PCDH9: variants seen among roughly 807,000 people sequenced by gnomAD.
PCDH9 encodes protocadherin-9.
A neutral mutation model predicts 70.6 loss-of-function variants in PCDH9; 24 were observed. The ratio of observed to expected loss-of-function variants is 0.34; its 90% CI spans 0.25 to 0.48. PCDH9 has a LOEUF of 0.48. Among genes scored for constraint, PCDH9 ranks in the 20% least tolerant of loss-of-function variants. The pLI, the probability that PCDH9 is intolerant of heterozygous loss-of-function variation, is 0.99. For synonymous variants in PCDH9, 562 were observed against 558.5 expected, an observed-to-expected ratio of 1.01 and a Z score of -0.09; for missense variants, 1,281 against 1,503.6, an observed-to-expected ratio of 0.85 and a Z score of 2.45.
intron 2 of PCDH9, among the ~76,000 whole-genome samples, chr13:67,028,132 C>T (rs998707387): frequency 7.4e-5 from 11 of 148,960 alleles, no homozygotes; most frequent in Non-Finnish European, 1.6e-4. Context: ...ATGTTTCTTG[C>T]GGCACTATTC....
intron 2 of PCDH9, chr13:67,217,070 A>G (rs1303632970): frequency 6.6e-6 from 1 of 152,050 alleles, no homozygotes; most frequent in African/African-American, 2.4e-5. Context: ...AGTCCTCAGC[A>G]TGCAGCTGCT....
rs112483837 is a variant in PCDH9 at position 66,353,224 on chromosome 13, C to G, written c.3341-48196G>C. On this transcript the variant is annotated intron_variant, in intron 4 of 4. Coordinates refer to ENST00000377865, the MANE Select transcript of PCDH9 (RefSeq NM_203487.3). ...ATACTGGTAGAAAGCAAGTGGTCCT[C>G]AAAAAACATAATGATTCACTGACAC... Among the ~76,000 whole-genome samples, 635 of 152,104 alleles carry G rather than the reference C, an allele frequency of 4.2e-3. 3 individuals are homozygous for G. Among genetic ancestry groups the G allele is most frequent in the African/African-American group, 0.015 (604 of 41,504 alleles).
At chr13:67,108,095 T>C (rs1053400117) in intron 2 of PCDH9, among the ~76,000 whole-genome samples, 1 of 152,192 alleles carries the variant, frequency 6.6e-6, no homozygotes, top group African/African-American at 2.4e-5. Context: ...CTGTGCTCAG[T>C]TGCCCACACT....
intron 3 of PCDH9, among the ~76,000 whole-genome samples, chr13:66,785,843 C>CA (rs1321930170): frequency 0.025 from 3,093 of 123,962 alleles, 32 homozygotes; most frequent in Middle Eastern, 0.036. Flanking sequence ...TGGGTTTTTC[C>CA]AAAAAAAAAA....
Position 66,304,399 on chromosome 13 carries a change from G to T in PCDH9, c.*256C>A. 2.7e-6 allele frequency: 1 copy of T among 371,716 alleles called. No homozygotes were observed. 23.0% of individuals were successfully genotyped at this position (371,716 alleles called of 1,614,324 possible). ...CAGCAGTCCAGGGTCAAAATAAAAT[G>T]CAATAATAAAAAAAATTTGCACAAT... is the stretch of plus-strand genomic sequence containing the variant. On this transcript the variant is annotated 3_prime_UTR_variant, in exon 5 of 5. Transcript: ENST00000377865.
chr13:66,448,106 G>A (rs566958330), intron 4 of PCDH9, among the ~76,000 whole-genome samples: 3 of 152,098 alleles, frequency 2.0e-5, no homozygotes, highest in Admixed American at 2.0e-4. Context: ...AAAAATGCTG[G>A]TGGGAAATTT....
At chr13:66,513,020 T>A (rs1959558407) in intron 4 of PCDH9, among the ~76,000 whole-genome samples, 1 of 152,006 alleles carries the variant, frequency 6.6e-6, no homozygotes, top group Non-Finnish European at 1.5e-5. Flanking sequence ...GGTTTTGCCA[T>A]GTTCCGCAAG....
intron 4 of PCDH9, among the ~76,000 whole-genome samples, chr13:66,539,038 T>C (rs1050206571): frequency 6.6e-6 from 1 of 152,092 alleles, no homozygotes; most frequent in South Asian, 2.1e-4. Context: ...TCTAAAACCA[T>C]TGCAGAAAAT....
rs937396993 is a variant in PCDH9 at position 66,954,862 on chromosome 13, C to A, written c.3037-51257G>T. 1.2e-4 allele frequency among the ~76,000 whole-genome samples: 19 copies of A among 152,232 alleles called. 1 individual carries two copies. The highest frequency in any genetic ancestry group is 2.6e-4 in the Non-Finnish European group (18 of 68,032). On this transcript the variant is annotated intron_variant, in intron 2 of 4. Coordinates refer to ENST00000377865, the MANE Select transcript of PCDH9 (RefSeq NM_203487.3). ...CACTGAAAACTCTGCCTCCCAGGTTCACGCCATTCTCCTGCCTCAGCCTCC... is the reference window on the plus strand; with the variant it reads ...CACTGAAAACTCTGCCTCCCAGGTTAACGCCATTCTCCTGCCTCAGCCTCC...
intron 3 of PCDH9, among the ~76,000 whole-genome samples, chr13:66,778,232 T>C (rs1012754100): frequency 6.6e-6 from 1 of 152,004 alleles, no homozygotes; most frequent in African/African-American, 2.4e-5. Flanking sequence ...TGTATACATA[T>C]GTAACTAACC....
intron 4 of PCDH9, among the ~76,000 whole-genome samples, chr13:66,372,705 A>G (rs1956678165): frequency 6.6e-6 from 1 of 151,866 alleles, no homozygotes; most frequent in African/African-American, 2.4e-5. Context: ...GCACACAAAT[A>G]TAATGATCTG....
chr13:66,997,985 T>C (rs980216828), intron 2 of PCDH9, among the ~76,000 whole-genome samples: 2 of 152,244 alleles, frequency 1.3e-5, no homozygotes, highest in African/African-American at 4.8e-5. Flanking sequence ...TTTGTTTGTT[T>C]AATTCTCTTA....
chr13:67,100,240 T>C (rs1029406328), intron 2 of PCDH9, among the ~76,000 whole-genome samples: 3 of 152,152 alleles, frequency 2.0e-5, no homozygotes, highest in Non-Finnish European at 4.4e-5. Context: ...ATTATATTAT[T>C]GGTTAAGAAA....
At chr13:66,425,335 A>G (rs1267795435) in intron 4 of PCDH9, among the ~76,000 whole-genome samples, 1 of 151,690 alleles carries the variant, frequency 6.6e-6, no homozygotes, top group Non-Finnish European at 1.5e-5. Context: ...CAAGCAGCAG[A>G]CATACAATCT....
intron 4 of PCDH9, among the ~76,000 whole-genome samples, chr13:66,485,901 A>AT (rs1281756880): frequency 6.6e-6 from 1 of 151,010 alleles, no homozygotes; most frequent in Non-Finnish European, 1.5e-5. Context: ...TAATTTTTGT[A>AT]TTTTTTGCTA....
At chr13:66,778,469 A>G (rs2079937247) in intron 3 of PCDH9, among the ~76,000 whole-genome samples, 2 of 152,098 alleles carry the variant, frequency 1.3e-5, no homozygotes, top group South Asian at 4.1e-4. Flanking sequence ...TTCCTCTATC[A>G]TGGCAGGAGT....
chr13:66,550,421 CAT>C (rs2138678546), intron 4 of PCDH9, among the ~76,000 whole-genome samples: 1 of 152,156 alleles, frequency 6.6e-6, no homozygotes, highest in Admixed American at 6.5e-5. Flanking sequence ...CCCATAGAAA[CAT>C]ATGTTATGGT....
At chr13:66,632,163 G>C (rs1289406990) in intron 3 of PCDH9, among the ~76,000 whole-genome samples, 2 of 152,156 alleles carry the variant, frequency 1.3e-5, no homozygotes, top group Non-Finnish European at 2.9e-5. Flanking sequence ...CCAAAGTGCT[G>C]GGATTACAGG....
At chr13:67,062,089 G>A (rs531873984) in intron 2 of PCDH9, among the ~76,000 whole-genome samples, 6 of 152,234 alleles carry the variant, frequency 3.9e-5, no homozygotes, top group African/African-American at 9.6e-5. Context: ...GGCATGGGCC[G>A]AAGAAGTGCT....
Sources: allele counts gnomAD v4.1 joint callset (sites outside exome capture counted in the v4.1 genomes callset), GRCh38; gene constraint gnomAD v4.1.1; transcripts MANE v1.5; gene names NCBI Gene and HGNC (gene_info 2026-07-23, HGNC 2026-07-21).